Variants in CCDC91 observed in about 807,000 individuals in gnomAD.
CCDC91 encodes the protein coiled-coil domain containing 91, also known as coiled-coil domain-containing protein 91.
CCDC91 carries 48 observed loss-of-function variants against 63.2 expected under a neutral mutation model. That is an observed-to-expected ratio of 0.76 (90% CI 0.60 to 0.97). The LOEUF is 0.97. Among genes scored for constraint, CCDC91 ranks in the 50% least tolerant of loss-of-function variants. CCDC91 has a pLI of 0.00. For missense variants in CCDC91, 500 were observed against 494.6 expected (o/e 1.01, Z -0.10); for synonymous variants, 167 against 165.8 (o/e 1.01, Z -0.06).
chr12:28,286,842 T>A (rs1471404108), intron 3 of CCDC91, among the ~76,000 whole-genome samples: 5 of 152,198 alleles, frequency 3.3e-5, no homozygotes, highest in Non-Finnish European at 7.4e-5. Context: ...AGTGTATAAG[T>A]GTTTCTATTT....
At chr12:28,337,887 TG>T (rs1942109598) in intron 6 of CCDC91, among the ~76,000 whole-genome samples, 1 of 152,158 alleles carries the variant, frequency 6.6e-6, no homozygotes, top group South Asian at 2.1e-4. Context: ...TTTTATGCTA[TG>T]AGTATTGATT....
chr12:28,500,968 T>G (rs1937760018), intron 12 of CCDC91, among the ~76,000 whole-genome samples: 1 of 151,754 alleles, frequency 6.6e-6, no homozygotes, highest in African/African-American at 2.4e-5. Context: ...TTCTTCAATT[T>G]TTTTAAATGT....
At chr12:28,198,280 G>A (rs1020814590) in intron 1 of CCDC91, among the ~76,000 whole-genome samples, 13 of 152,144 alleles carry the variant, frequency 8.5e-5, no homozygotes, top group Admixed American at 6.5e-5. Context: ...TTCTGCAATT[G>A]TAGTAAAGAC....
chr12:28,270,911 G>A (rs558554731), intron 3 of CCDC91, among the ~76,000 whole-genome samples: 1 of 152,208 alleles, frequency 6.6e-6, no homozygotes, highest in South Asian at 2.1e-4. Flanking sequence ...GTGAGACAAT[G>A]GGGAACAAAC....
At chr12:28,354,394 A>C (rs1943388256) in intron 6 of CCDC91, among the ~76,000 whole-genome samples, 1 of 152,116 alleles carries the variant, frequency 6.6e-6, no homozygotes, top group Non-Finnish European at 1.5e-5. Flanking sequence ...GCCCATCCTA[A>C]GTCCAGGATA....
At chr12:28,420,700 A>C (rs1254192670) in intron 8 of CCDC91, among the ~76,000 whole-genome samples, 2 of 151,010 alleles carry the variant, frequency 1.3e-5, no homozygotes, top group African/African-American at 4.9e-5. Flanking sequence ...TTGCAATTAT[A>C]GATTATATGA....
chr12:28,383,314 G>GA, intron 7 of CCDC91, among the ~76,000 whole-genome samples: 1 of 152,068 alleles, frequency 6.6e-6, no homozygotes, highest in Non-Finnish European at 1.5e-5. Context: ...CAAATACACA[G>GA]AAAAATCTGA....
intron 8 of CCDC91, among the ~76,000 whole-genome samples, chr12:28,417,092 A>G (rs1485604484): frequency 6.6e-6 from 1 of 152,072 alleles, no homozygotes; most frequent in African/African-American, 2.4e-5. Flanking sequence ...TGGCAGTAGG[A>G]ACCTGTATGA....
At chr12:28,190,777 G>A (rs1372153208) in intron 1 of CCDC91, 136 bp downstream of exon 1, 3 of 152,262 alleles carry the variant, frequency 2.0e-5, no homozygotes, top group South Asian at 2.1e-4. Context: ...CCTCGCCCTT[G>A]GCTGTCGCAG....
chr12:28,316,470 A>C (rs933670655), intron 6 of CCDC91, among the ~76,000 whole-genome samples: 1 of 149,136 alleles, frequency 6.7e-6, no homozygotes, highest in African/African-American at 2.5e-5. Context: ...TCATTTTCCA[A>C]GTATCTTTTA....
At chr12:28,479,897 C>G (rs2140869957) in intron 11 of CCDC91, among the ~76,000 whole-genome samples, 2 of 152,094 alleles carry the variant, frequency 1.3e-5, no homozygotes, top group South Asian at 4.1e-4. Flanking sequence ...GCAAGGATGA[C>G]TATGTATGAG....
rs1249295743 is a variant in CCDC91 at position 28,375,158 on chromosome 12, T to G, written c.654+12643T>G. Among the ~76,000 whole-genome samples, 3 of 151,990 alleles carry G rather than the reference T, an allele frequency of 2.0e-5. No homozygotes were observed. In the East Asian group the frequency reaches 5.8e-4, roughly 29 times the overall value. On this transcript the variant is annotated intron_variant, in intron 7 of 12. Transcript: ENST00000536442. ...TTTTTTTTTAAACTATTTTAGTTTC[T>G]TCTTCAGTAAGTGATGGAATAAACC...
intron 6 of CCDC91, among the ~76,000 whole-genome samples, chr12:28,312,452 G>A (rs1939423877): frequency 6.6e-6 from 1 of 152,044 alleles, no homozygotes. Flanking sequence ...TTAGGCTTCC[G>A]TATTTGACCT....
chr12:28,369,301 A>G (rs932969072), intron 7 of CCDC91, among the ~76,000 whole-genome samples: 2 of 152,192 alleles, frequency 1.3e-5, no homozygotes, highest in Non-Finnish European at 2.9e-5. Context: ...AAAAGTAGCT[A>G]CAGGCCCCAT....
chr12:28,452,395 A>G (rs1949850394), intron 10 of CCDC91, 83 bp from the exon 11 acceptor site: 4 of 954,698 alleles, frequency 4.2e-6, no homozygotes, highest in East Asian at 2.6e-5. Flanking sequence ...AAAGTTTTTT[A>G]TCTTTTAGGT....
intron 11 of CCDC91, among the ~76,000 whole-genome samples, chr12:28,477,079 T>C (rs764200497): frequency 3.3e-5 from 5 of 152,040 alleles, no homozygotes; most frequent in Non-Finnish European, 7.4e-5. Context: ...TCTGAAACTA[T>C]CCAAATCAAT....
intron 11 of CCDC91, among the ~76,000 whole-genome samples, chr12:28,454,138 G>T (rs1464848685): frequency 1.3e-5 from 2 of 152,124 alleles, no homozygotes; most frequent in Admixed American, 1.3e-4. Context: ...TCTCTGCCAA[G>T]TTAAATTATA....
intron 6 of CCDC91, among the ~76,000 whole-genome samples, chr12:28,335,640 C>T (rs1592345095): frequency 1.3e-5 from 2 of 151,784 alleles, no homozygotes; most frequent in East Asian, 1.9e-4. Context: ...CTCTTGTCCT[C>T]AAGCAGTCCT....
intron 3 of CCDC91, among the ~76,000 whole-genome samples, chr12:28,268,026 TATTA>T (rs1039011915): frequency 6.8e-5 from 9 of 131,786 alleles, no homozygotes; most frequent in African/African-American, 1.7e-4. Flanking sequence ...ATAATTTAAT[TATTA>T]ATTATTAATT....
Sources: gnomAD v4.1 joint callset for allele counts (sites outside exome capture counted in the v4.1 genomes callset) on GRCh38, gnomAD v4.1.1 for gene constraint, MANE v1.5 for transcripts, NCBI Gene and HGNC (gene_info 2026-07-23, HGNC 2026-07-21) for gene names.